APOBEC3F: variants seen among roughly 807,000 people sequenced by gnomAD.
The protein encoded by APOBEC3F is apolipoprotein B mRNA editing enzyme catalytic subunit 3F, also known as DNA dC->dU-editing enzyme APOBEC-3F.
In APOBEC3F, 34 loss-of-function variants were observed where a neutral mutation model predicts 45.8. The ratio of observed to expected loss-of-function variants is 0.74; its 90% confidence interval spans 0.57 to 0.99. The LOEUF (loss-of-function observed/expected upper bound fraction) is 0.99. Ranked by LOEUF, APOBEC3F falls within the 50% of genes least tolerant of loss-of-function variation. APOBEC3F has a pLI of 0.00. For synonymous variants in APOBEC3F, 192 were observed against 174.4 expected, an observed-to-expected ratio of 1.10 and a Z score of -0.80; for missense variants, 459 against 474.1, an observed-to-expected ratio of 0.97 and a Z score of 0.30.
chr22:39,050,565 G>C (rs1465896552), intron 5 of APOBEC3F, among the ~76,000 whole-genome samples: 1 of 150,686 alleles, frequency 6.6e-6, no homozygotes, highest in Non-Finnish European at 1.5e-5. Flanking sequence ...ACTTGTGGAA[G>C]AAATTTTAGT....
At chr22:39,047,609 G>A (rs537335802) in intron 4 of APOBEC3F, among the ~76,000 whole-genome samples, 46 of 150,644 alleles carry the variant, frequency 3.1e-4, no homozygotes, top group African/African-American at 1.1e-3. Flanking sequence ...CTGCCCCAGC[G>A]CTAGTCTCTC....
chr22:39,052,045 C>G (rs754467426), intron 5 of APOBEC3F, 29 bp from the exon 6 acceptor site: 3 of 1,610,202 alleles, frequency 1.9e-6, no homozygotes, highest in Non-Finnish European at 2.5e-6. Flanking sequence ...AGTCTGAGCT[C>G]CCCTGCCCTC....
At position 39,054,263 on chromosome 22, in the gene APOBEC3F, G is replaced by T. The variant is rs1927623539; in HGVS notation, c.*1568G>T. Among the ~76,000 whole-genome samples the T allele has an allele frequency of 6.6e-6, 1 of 152,004 alleles. No homozygotes were observed. Among genetic ancestry groups the T allele is most frequent in the East Asian group, 1.9e-4 (1 of 5,200 alleles). On this transcript the variant is annotated 3_prime_UTR_variant, in exon 7 of 7. Transcript: ENST00000308521. The stretch of plus-strand genomic sequence containing the variant: ...ATTTTATTTTTTGAGATGGAGTCTT[G>T]CTCTGTTGCCCAGGCTGGGGTGCAG...
rs7290419 is a variant in APOBEC3F at position 39,051,111 on chromosome 22, C to G, written c.724-963C>G. ...AATTAGCCAGGCGTGGGGGTGTGCC[C>G]CTGTAGTCCCAGCTACTTGGGTGGC... On this transcript the variant is annotated intron_variant, in intron 5 of 6. Coordinates refer to ENST00000308521, the MANE Select transcript of APOBEC3F (RefSeq NM_145298.6). Among the ~76,000 whole-genome samples, 312 of 152,120 alleles carry G rather than the reference C, an allele frequency of 2.1e-3. 1 individual carries two copies. Among genetic ancestry groups the G allele is most frequent in the African/African-American group, 7.1e-3 (295 of 41,506 alleles).
In APOBEC3F at chr22:39,054,710, A is replaced by G. The variant is rs1927637644; in HGVS notation, c.*2015A>G. On this transcript the variant is annotated 3_prime_UTR_variant, in exon 7 of 7. Coordinates refer to ENST00000308521, the MANE Select transcript of APOBEC3F (RefSeq NM_145298.6). Reference sequence around the variant, plus strand: ...GACTGCGTGTATGTCCCAAATTACAATTCTTTCTTTGCAAATGAAATGTGA... The same window carrying G: ...GACTGCGTGTATGTCCCAAATTACAGTTCTTTCTTTGCAAATGAAATGTGA... 6.6e-6 allele frequency among the ~76,000 whole-genome samples: 1 copy of G among 152,224 alleles called. No homozygotes were observed. Among genetic ancestry groups the G allele is most frequent in the Admixed American group, 6.5e-5 (1 of 15,284 alleles).
rs1601489859 is a variant in APOBEC3F, at chr22:39,040,903, A to G, written c.-58A>G. The G allele has an allele frequency of 6.4e-7, 1 of 1,554,522 alleles. No homozygotes were observed. Among genetic ancestry groups the G allele is most frequent in the Non-Finnish European group, 8.7e-7 (1 of 1,148,348 alleles). The stretch of plus-strand genomic sequence containing the variant: ...TGTCCTGAAACCTGGAGCCTGGAGC[A>G]GAAAGTGAAACCCTGGTGCTCCAGA... On this transcript the variant is annotated 5_prime_UTR_variant, in exon 1 of 7. Coordinates refer to ENST00000308521, the MANE Select transcript of APOBEC3F (RefSeq NM_145298.6).
Position 39,049,660 on chromosome 22 carries a change from T to G in APOBEC3F, c.723+79T>G, listed in dbSNP as rs1476673060. On this transcript the variant is annotated intron_variant, in intron 5 of 6. Coordinates refer to ENST00000308521, the MANE Select transcript of APOBEC3F (RefSeq NM_145298.6). ...CAGAAAACACAATAAGTGACGTGCC[T>G]GGCGTGGGCTTTCCTGTGTGTACTT... 1.5e-5 allele frequency: 22 copies of G among 1,514,416 alleles called. No homozygotes were observed. The Admixed American group carries it at 4.3e-4, about 30-fold the overall frequency. The allele number at this position is 1,514,416 out of a possible 1,614,324, so 93.8% of individuals were successfully genotyped here. A position where few individuals can be genotyped will look rare whatever the true frequency, so the allele number is the denominator to read the frequency against.
At chr22:39,048,984 C>CAAACAA (rs1927349967) in intron 4 of APOBEC3F, among the ~76,000 whole-genome samples, 1 of 121,790 alleles carries the variant, frequency 8.2e-6, no homozygotes, top group South Asian at 2.8e-4. Context: ...GACTATGTCC[C>CAAACAA]AAACAAAAAC....
Position 39,052,912 on chromosome 22 carries a change from C to A in APOBEC3F, c.*217C>A. 8.7e-7 allele frequency: 1 copy of A among 1,143,426 alleles called. No homozygotes were observed. Among genetic ancestry groups the A allele is most frequent in the Non-Finnish European group, 1.1e-6 (1 of 874,600 alleles). The allele number at this position is 1,143,426 out of a possible 1,614,324, so 70.8% of individuals were successfully genotyped here. ...TCTTTCTGCCTCCATGGCTATCCAT[C>A]CACCCACCAAGACCCTGTTCCCTGA... is the stretch of plus-strand genomic sequence containing the variant. On this transcript the variant is annotated 3_prime_UTR_variant, in exon 7 of 7. Transcript: ENST00000308521.
intron 5 of APOBEC3F, 114 bp downstream of exon 5, chr22:39,049,695 A>G (rs556579037): frequency 6.2e-6 from 7 of 1,121,200 alleles, no homozygotes; most frequent in Non-Finnish European, 8.4e-6. Flanking sequence ...TTCCTCTTAC[A>G]TTTCTTTTTT....
rs750517144 is a variant in APOBEC3F at position 39,049,447 on chromosome 22, C to T, written c.589C>T (p.Pro197Ser). 1.9e-6 allele frequency: 3 copies of T among 1,613,922 alleles called. No individual in the cohort carries two copies. The highest frequency in any genetic ancestry group is 8.5e-7 in the Non-Finnish European group (1 of 1,180,012). Residue 197 changes from proline to serine, a missense_variant, in exon 5 of 7, where the codon CCA becomes TCA. Pro to Ser is a moderately conservative substitution (Grantham distance 74). Transcript: ENST00000308521. Reference protein sequence around the residue: ...ILRNPMEAMYPHIFYFHFKNL... With the variant: ...ILRNPMEAMYSHIFYFHFKNL... ...CAGAAACCCGATGGAGGCAATGTATCCACACATATTCTACTTCCACTTTAA... is the reference window on the plus strand; with the variant it reads ...CAGAAACCCGATGGAGGCAATGTATTCACACATATTCTACTTCCACTTTAA...
chr22:39,054,266 C>G lies in APOBEC3F; in HGVS notation c.*1571C>G, dbSNP rs1927623624. On this transcript the variant is annotated 3_prime_UTR_variant, in exon 7 of 7. Coordinates refer to ENST00000308521, the MANE Select transcript of APOBEC3F (RefSeq NM_145298.6). ...TTATTTTTTGAGATGGAGTCTTGCT[C>G]TGTTGCCCAGGCTGGGGTGCAGTGG... Among the ~76,000 whole-genome samples, 1 of 152,114 alleles carries G rather than the reference C, an allele frequency of 6.6e-6. No individual in the cohort carries two copies. The highest frequency in any genetic ancestry group is 1.5e-5 in the Non-Finnish European group (1 of 68,014).
At chr22:39,044,108 C>A (rs373898830) in intron 2 of APOBEC3F, 2 of 1,555,616 alleles carry the variant, frequency 1.3e-6, no homozygotes, top group South Asian at 2.4e-5. Context: ...ATCAGAGCCC[C>A]ATTTCAAGTG....
chr22:39,051,849 G>A (rs1173705540), intron 5 of APOBEC3F, among the ~76,000 whole-genome samples: 1 of 152,180 alleles, frequency 6.6e-6, no homozygotes, highest in African/African-American at 2.4e-5. Flanking sequence ...AGCTAATCAG[G>A]AGGCTGAGGT....
intron 1 of APOBEC3F, among the ~76,000 whole-genome samples, chr22:39,042,374 C>G (rs181409615): frequency 6.7e-6 from 1 of 148,668 alleles, no homozygotes; most frequent in Non-Finnish European, 1.5e-5. Flanking sequence ...TGCAGTGGCA[C>G]GATCTCGGCT....
rs10427764 is a variant in APOBEC3F at position 39,053,131 on chromosome 22, C to T, written c.*436C>T. The T allele has an allele frequency of 7.6e-3, 1,171 of 154,022 alleles. 13 individuals are homozygous for T. Among genetic ancestry groups the T allele is most frequent in the African/African-American group, 0.027 (1,127 of 41,482 alleles). 9.5% of individuals were successfully genotyped at this position (154,022 alleles called of 1,614,324 possible). On this transcript the variant is annotated 3_prime_UTR_variant, in exon 7 of 7. Transcript: ENST00000308521. ...CCTCCCGAGTAGCTGGAATTACAGA[C>T]GCCTGCCACCACGCACAGCTAACTT...
Position 39,045,519 on chromosome 22 carries a change from C to T in APOBEC3F, c.543C>T (p.His181=), listed in dbSNP as rs1927172180. Residue 181 remains histidine, a synonymous_variant, in exon 4 of 7, where the codon CAC becomes CAT. Transcript: ENST00000308521. ...YKFDDNYAFL[H]RTLKEILRNP... is the part of the protein sequence containing the mutation. The stretch of plus-strand genomic sequence containing the variant: ...TCGATGACAATTATGCATTCCTGCA[C>T]CGCACGCTAAAGGAGATTCTCAGGT... 1 of 1,614,176 alleles carries T rather than the reference C, an allele frequency of 6.2e-7. No homozygotes were observed. Among genetic ancestry groups the T allele is most frequent in the Admixed American group, 1.7e-5 (1 of 60,020 alleles).
At chr22:39,052,038 C>T (rs763913531) in intron 5 of APOBEC3F, 36 bp from the exon 6 acceptor site, 70 of 1,608,924 alleles carry the variant, frequency 4.4e-5, no homozygotes, top group Non-Finnish European at 5.6e-5. Flanking sequence ...TGCTCCTAGT[C>T]TGAGCTCCCC....
chr22:39,042,285 G>T (rs1420909861), intron 1 of APOBEC3F, among the ~76,000 whole-genome samples: 1 of 151,714 alleles, frequency 6.6e-6, no homozygotes, highest in Admixed American at 6.6e-5. Flanking sequence ...TATTATTTTG[G>T]GGTGAATAGT....
Sources: gnomAD v4.1 joint callset for allele counts (sites outside exome capture counted in the v4.1 genomes callset) on GRCh38, gnomAD v4.1.1 for gene constraint, MANE v1.5 for transcripts, NCBI Gene and HGNC (gene_info 2026-07-23, HGNC 2026-07-21) for gene names.